Variants in LRP1 observed in about 807,000 individuals in gnomAD.
LRP1 encodes the protein prolow-density lipoprotein receptor-related protein 1.
Under a neutral mutation model 541.5 loss-of-function variants are expected in LRP1, and 51 were observed. That is an observed-to-expected ratio of 0.09 (90% CI 0.08 to 0.12). The LOEUF is 0.12. LRP1 is among the 10% of genes least tolerant of loss of function. The probability of loss-of-function intolerance (pLI) is 1.00; values close to 1 mark genes in which losing one functional copy is unlikely to be tolerated. For synonymous variants in LRP1, 2,219 were observed against 2,470.8 expected (o/e 0.90, Z 3.02); for missense variants, 3,878 against 6,376.2 (o/e 0.61, Z 13.34).
rs141795284 is a variant in LRP1, at chr12:57,192,915, T to C, written c.7500T>C (p.His2500=). Residue 2500 remains histidine (H), a synonymous_variant, in exon 45 of 89, where the codon CAT becomes CAC. Transcript: ENST00000243077. ...TGTGTCTGCTCACTCACCAGGGCCA[T>C]GTCAACTGCTCATGCCGAGGGGGCC... ...QDLCLLTHQG[H]VNCSCRGGRI... is the part of the protein sequence containing the mutation. 5.3e-5 allele frequency: 85 copies of C among 1,613,830 alleles called. No homozygotes were observed. Among genetic ancestry groups the C allele is most frequent in the Admixed American group, 1.3e-4 (8 of 59,998 alleles).
intron 1 of LRP1, among the ~76,000 whole-genome samples, chr12:57,136,248 G>A (rs1357531049): frequency 6.6e-6 from 1 of 152,184 alleles, no homozygotes; most frequent in African/African-American, 2.4e-5. Context: ...GAGGCTGAAG[G>A]GGGAGCCTGG....
intron 13 of LRP1, among the ~76,000 whole-genome samples, chr12:57,161,908 C>T (rs752837465): frequency 3.3e-5 from 5 of 152,134 alleles, no homozygotes; most frequent in Non-Finnish European, 7.4e-5. Flanking sequence ...ACAGCTCAGC[C>T]CCTAACAGAT....
At chr12:57,149,450 C>T in intron 6 of LRP1, 2 of 591,900 alleles carry the variant, frequency 3.4e-6, no homozygotes, top group South Asian at 4.0e-5. Flanking sequence ...ATTGCCTCTC[C>T]ACCCAGACTG....
In LRP1 at chr12:57,167,508, C is replaced by A. The variant is rs1652126202; in HGVS notation, c.2979C>A (p.Asn993Lys). ...ACAATGGCAGATGTATCAACATCAA[C>A]TGGAGATGCGACAATGGTAAGAGCT... ...TCNNGRCINI[N>K]WRCDNDNDCG... The change falls in exon 19 of 89, where the codon AAC becomes AAA. Residue 993 changes from asparagine (N) to lysine (K), a missense_variant. Around this residue, in one of 13 missense-constraint regions of LRP1, gnomAD observed 320 missense variants for 547.9 expected, o/e 0.58. Coordinates refer to ENST00000243077, the MANE Select transcript of LRP1 (RefSeq NM_002332.3). 1 of 1,613,878 alleles carries A rather than the reference C, an allele frequency of 6.2e-7. No individual in the cohort carries two copies. The highest frequency in any genetic ancestry group is 1.3e-5 in the African/African-American group (1 of 74,924).
intron 42 of LRP1, 47 bp from the exon 43 acceptor site, chr12:57,190,758 T>A: frequency 6.3e-7 from 1 of 1,575,796 alleles, no homozygotes; most frequent in African/African-American, 1.3e-5. Context: ...CCCTCTGTTG[T>A]GGATTCTCAG....
Position 57,202,460 on chromosome 12 carries a change from A to C in LRP1, c.10634A>C (p.Asn3545Thr). ...TCEPYQFRCK[N>T]NRCVPGRWQC... is the part of the protein sequence containing the mutation. ...GAGCCATACCAGTTCCGCTGCAAGAACAACCGCTGCGTGCCCGGCCGCTGG... is the reference window on the plus strand; with the variant it reads ...GAGCCATACCAGTTCCGCTGCAAGACCAACCGCTGCGTGCCCGGCCGCTGG... The change falls in exon 68 of 89, where the codon AAC becomes ACC. Residue 3545 changes from asparagine to threonine, a missense_variant. Asn to Thr is a moderately conservative substitution (Grantham distance 65). Around this residue, in one of 13 missense-constraint regions of LRP1, gnomAD observed 278 missense variants for 536.3 expected, o/e 0.52. Coordinates refer to ENST00000243077, the MANE Select transcript of LRP1 (RefSeq NM_002332.3). 4.3e-6 allele frequency: 7 copies of C among 1,613,660 alleles called. No homozygotes were observed. Among genetic ancestry groups the C allele is most frequent in the Non-Finnish European group, 5.9e-6 (7 of 1,180,014 alleles).
chr12:57,141,325 G>T, intron 2 of LRP1, 49 bp from the exon 3 acceptor site: 3 of 1,611,402 alleles, frequency 1.9e-6, no homozygotes, highest in Non-Finnish European at 1.7e-6. Context: ...GCTGACCAGA[G>T]AGCCACCATA....
At chr12:57,191,770 T>A (rs1371725489) in intron 44 of LRP1, among the ~76,000 whole-genome samples, 4 of 21,504 alleles carry the variant, frequency 1.9e-4, no homozygotes, top group African/African-American at 3.6e-4. Flanking sequence ...TACACACACA[T>A]ACACACCCCA....
At chr12:57,148,156 CTTT>C (rs760101626) in intron 6 of LRP1, among the ~76,000 whole-genome samples, 3 of 130,640 alleles carry the variant, frequency 2.3e-5, no homozygotes. Context: ...CCTGGACAAG[CTTT>C]TTTTTTTTTT....
intron 13 of LRP1, among the ~76,000 whole-genome samples, chr12:57,161,918 T>C (rs896294850): frequency 1.4e-4 from 22 of 152,146 alleles, no homozygotes; most frequent in African/African-American, 5.1e-4. Flanking sequence ...CCCTAACAGA[T>C]CCTGGTAAAT....
intron 22 of LRP1, 42 bp from the exon 23 acceptor site, chr12:57,175,418 G>T: frequency 6.2e-7 from 1 of 1,607,910 alleles, no homozygotes; most frequent in South Asian, 1.1e-5. Flanking sequence ...CCTCCTCTCA[G>T]CTTCTGACCC....
chr12:57,184,029 A>G lies in LRP1; in HGVS notation c.5930-56A>G. 1 of 1,601,354 alleles carries G rather than the reference A, an allele frequency of 6.2e-7. No homozygotes were observed. Among genetic ancestry groups the G allele is most frequent in the Non-Finnish European group, 8.5e-7 (1 of 1,172,346 alleles). ...TAGGGGTGCCTGGGAGCTTGGAGAC[A>G]CCAGGTCCACCTGTCCTCACCTAAC... On this transcript the variant is annotated intron_variant, in intron 36 of 88. Coordinates refer to ENST00000243077, the MANE Select transcript of LRP1 (RefSeq NM_002332.3). The surrounding 1 kb of genome is among the most constrained non-coding windows in gnomAD (Gnocchi z 7.8).
Position 57,211,129 on chromosome 12 carries a change from C to T in LRP1, c.12917-47C>T, listed in dbSNP as rs780598325. 3.8e-6 allele frequency: 6 copies of T among 1,597,334 alleles called. No individual in the cohort carries two copies. Among genetic ancestry groups the T allele is most frequent in the Non-Finnish European group, 5.1e-6 (6 of 1,167,204 alleles). ...AGCTCTGTTCAACCTATGGAGAGCCCTCATGAGGGTGGGGCTTGAGGCACT... is the reference window on the plus strand; with the variant it reads ...AGCTCTGTTCAACCTATGGAGAGCCTTCATGAGGGTGGGGCTTGAGGCACT... On this transcript the variant is annotated intron_variant, in intron 83 of 88. Transcript: ENST00000243077. This position sits in a 1 kb window ranked among gnomAD's most constrained non-coding sequence, Gnocchi z 4.3.
chr12:57,171,113 G>A (rs1023895237), intron 20 of LRP1, among the ~76,000 whole-genome samples: 5 of 152,188 alleles, frequency 3.3e-5, no homozygotes, highest in African/African-American at 1.2e-4. Context: ...GGCCTCTGGA[G>A]GCTGTGTGGT....
At chr12:57,135,778 TG>T (rs1488741921) in intron 1 of LRP1, among the ~76,000 whole-genome samples, 1 of 151,982 alleles carries the variant, frequency 6.6e-6, no homozygotes, top group African/African-American at 2.4e-5. Flanking sequence ...TTCCAGCTTT[TG>T]GAGTTTGCCA....
At chr12:57,192,575 C>T (rs906100682) in intron 44 of LRP1, among the ~76,000 whole-genome samples, 3 of 152,156 alleles carry the variant, frequency 2.0e-5, no homozygotes, top group Admixed American at 6.5e-5. Flanking sequence ...CCCTCAGACT[C>T]GAATCTCTCA....
intron 79 of LRP1, among the ~76,000 whole-genome samples, chr12:57,209,453 A>G (rs1340485050): frequency 6.6e-6 from 1 of 152,246 alleles, no homozygotes; most frequent in Non-Finnish European, 1.5e-5. Flanking sequence ...TACATTAGGA[A>G]CGTAGCAAAT....
chr12:57,203,367 C>T (rs1286794106), intron 69 of LRP1, 22 bp from the exon 70 acceptor site: 2 of 1,595,604 alleles, frequency 1.3e-6, no homozygotes, highest in South Asian at 2.2e-5. Context: ...AGGTGACCGG[C>T]TGCCTGTGCC....
chr12:57,194,722 C>T lies in LRP1; in HGVS notation c.8191+23C>T, dbSNP rs756081344. 15 of 1,532,000 alleles carry T rather than the reference C, an allele frequency of 9.8e-6. No individual in the cohort carries two copies. The Admixed American group carries it at 2.6e-4, about 27-fold the overall frequency. The allele number at this position is 1,532,000 out of a possible 1,614,324, so 94.9% of individuals were successfully genotyped here. ...GCAGTGAGTGACCACTGCACCCACT[C>T]AGTGCTCCAAGAGCCTGCTGGGCCC... is the stretch of plus-strand genomic sequence containing the variant. On this transcript the variant is annotated intron_variant, in intron 50 of 88. Coordinates refer to ENST00000243077, the MANE Select transcript of LRP1 (RefSeq NM_002332.3).
Sources: gnomAD v4.1 joint callset for allele counts (sites outside exome capture counted in the v4.1 genomes callset) on GRCh38, gnomAD v4.1.1 for gene constraint, gnomAD v4.1.1 regional missense constraint, Gnocchi (gnomAD v3.1) non-coding constraint, MANE v1.5 for transcripts, NCBI Gene and HGNC (gene_info 2026-07-23, HGNC 2026-07-21) for gene names.